ZKSCAN7: variants seen among roughly 807,000 people sequenced by gnomAD.
ZKSCAN7 encodes zinc finger protein with KRAB and SCAN domains 7.
Under a neutral mutation model 65.3 loss-of-function variants are expected in ZKSCAN7, and 38 were observed. The observed-to-expected ratio is 0.58, with a 90% CI of 0.45 to 0.76. ZKSCAN7 has a LOEUF of 0.76. Among genes scored for constraint, ZKSCAN7 ranks in the 30% least tolerant of loss-of-function variants. ZKSCAN7 has a pLI of 0.00. For synonymous variants in ZKSCAN7, 321 were observed against 321.0 expected, an observed-to-expected ratio of 1.00 and a Z score of 0.00; for missense variants, 815 against 913.3, an observed-to-expected ratio of 0.89 and a Z score of 1.39.
exon 6 of ZKSCAN7, chr3:44,583,072 G>A (rs552128851): frequency 6.1e-5 from 23 of 374,976 alleles, no homozygotes; most frequent in East Asian, 5.5e-4. Context: ...GATTACAGGC[G>A]CCTGCCACCA....
rs1210051764 is a variant in ZKSCAN7, at chr3:44,565,732, A to T, written c.592+77A>T. The T allele has an allele frequency of 5.1e-6, 7 of 1,371,964 alleles. No homozygotes were observed. In the African/African-American group the frequency reaches 1.0e-4, roughly 20 times the overall value. The allele number at this position is 1,371,964 out of a possible 1,614,324, so 85.0% of individuals were successfully genotyped here. ...GGAGTCTCCTTTCCTTTATCTGCCC[A>T]TCTCCTACTCCATGGAATCCCTCAT... is the stretch of plus-strand genomic sequence containing the variant. On this transcript the variant is annotated intron_variant, in intron 3 of 5. Transcript: ENST00000426540.
At chr3:44,560,264 G>A (rs755700830) in intron 2 of ZKSCAN7, among the ~76,000 whole-genome samples, 22 of 152,168 alleles carry the variant, frequency 1.4e-4, no homozygotes, top group Non-Finnish European at 1.0e-4. Context: ...ATCAGCAGGC[G>A]TTCAGAAAAT....
At chr3:44,579,818 TG>T in intron 5 of ZKSCAN7, 3 of 1,613,042 alleles carry the variant, frequency 1.9e-6, no homozygotes, top group Non-Finnish European at 2.5e-6. Context: ...GACAAACCAG[TG>T]TTTCTTCCAC....
In ZKSCAN7 at chr3:44,571,192, T is replaced by A; in HGVS notation, c.2082T>A (p.Asn694Lys). 6.2e-7 allele frequency: 1 copy of A among 1,614,198 alleles called. No homozygotes were observed. The highest frequency in any genetic ancestry group is 8.5e-7 in the Non-Finnish European group (1 of 1,180,042). The change falls in exon 6 of 6, where the codon AAT becomes AAA. Residue 694 changes from asparagine to lysine, a missense_variant. This residue lies in a region of ZKSCAN7 where 578 missense variants were observed against 629.5 expected (regional missense o/e 0.92). Transcript: ENST00000426540. ...CTGGGGAAAAACCCTATAAATGCAA[T>A]GATTGTGGGAAAGCTTTTAGTGACA... is the stretch of plus-strand genomic sequence containing the variant. Reference protein sequence around the residue: ...THTGEKPYKCNDCGKAFSDSS... With the variant: ...THTGEKPYKCKDCGKAFSDSS...
chr3:44,568,591 C>A, intron 5 of ZKSCAN7, 158 bp downstream of exon 5: 3 of 1,030,966 alleles, frequency 2.9e-6, no homozygotes, highest in Non-Finnish European at 4.1e-6. Flanking sequence ...CACTGAGATT[C>A]AACAGTGATC....
chr3:44,559,693 CT>C (rs1559422990), intron 2 of ZKSCAN7, among the ~76,000 whole-genome samples: 1 of 152,196 alleles, frequency 6.6e-6, no homozygotes, highest in African/African-American at 2.4e-5. Flanking sequence ...TCCCAAAGTG[CT>C]GGAATTACAG....
chr3:44,565,377 C>T (rs984989042), intron 2 of ZKSCAN7, 110 bp from the exon 3 acceptor site: 2 of 1,137,596 alleles, frequency 1.8e-6, no homozygotes, highest in African/African-American at 3.2e-5. Context: ...GAAGGACACC[C>T]TGGCTCTTCT....
chr3:44,560,933 T>C (rs1484148307), intron 2 of ZKSCAN7, among the ~76,000 whole-genome samples: 1 of 152,182 alleles, frequency 6.6e-6, no homozygotes, highest in African/African-American at 2.4e-5. Context: ...AAGATTTAGC[T>C]GAGGTGTGGT....
At chr3:44,556,110 C>A (rs1044889436) in intron 1 of ZKSCAN7, among the ~76,000 whole-genome samples, 1 of 152,156 alleles carries the variant, frequency 6.6e-6, no homozygotes, top group Admixed American at 6.5e-5. Context: ...CTAGCGTGAT[C>A]AGGAAGGCTT....
intron 5 of ZKSCAN7, 171 bp downstream of exon 5, chr3:44,568,604 C>A: frequency 1.1e-6 from 1 of 943,798 alleles, no homozygotes; most frequent in Non-Finnish European, 1.5e-6. Flanking sequence ...CAGTGATCAG[C>A]ATACTCTTCA....
intron 2 of ZKSCAN7, among the ~76,000 whole-genome samples, chr3:44,562,032 C>G (rs1323070358): frequency 1.3e-5 from 2 of 152,276 alleles, no homozygotes; most frequent in Non-Finnish European, 2.9e-5. Context: ...TCCAACCTTG[C>G]ATTTCCCCTT....
chr3:44,556,242 T>G (rs1699290438), intron 1 of ZKSCAN7, among the ~76,000 whole-genome samples: 1 of 152,148 alleles, frequency 6.6e-6, no homozygotes, highest in Non-Finnish European at 1.5e-5. Flanking sequence ...ATAAACCAGT[T>G]AAAGGGTTAT....
intron 5 of ZKSCAN7, among the ~76,000 whole-genome samples, chr3:44,578,802 G>A (rs959973413): frequency 6.6e-6 from 1 of 152,228 alleles, no homozygotes; most frequent in African/African-American, 2.4e-5. Flanking sequence ...CGCTGGTGCT[G>A]CCTCTGGAGA....
intron 2 of ZKSCAN7, among the ~76,000 whole-genome samples, chr3:44,557,910 C>G (rs1009833088): frequency 1.3e-5 from 2 of 152,128 alleles, no homozygotes; most frequent in East Asian, 1.9e-4. Flanking sequence ...ATTTTTGGGC[C>G]TTGTAATTAT....
At chr3:44,561,632 A>G (rs1458764607) in intron 2 of ZKSCAN7, among the ~76,000 whole-genome samples, 1 of 152,208 alleles carries the variant, frequency 6.6e-6, no homozygotes, top group African/African-American at 2.4e-5. Flanking sequence ...TCCAAGATAC[A>G]ATGGGGATAT....
chr3:44,556,917 C>G lies in ZKSCAN7; in HGVS notation c.-118-13C>G, dbSNP rs997322183. 8.2e-7 allele frequency: 1 copy of G among 1,219,030 alleles called. No individual in the cohort carries two copies. Among genetic ancestry groups the G allele is most frequent in the Admixed American group, 2.2e-5 (1 of 46,452 alleles). The allele number at this position is 1,219,030 out of a possible 1,614,324, so 75.5% of individuals were successfully genotyped here. ...ATACTCCAAGAACTCTGATTTCACTCTTGTTTCTGTAGGCCACACTACCAT... is the reference window on the plus strand; with the variant it reads ...ATACTCCAAGAACTCTGATTTCACTGTTGTTTCTGTAGGCCACACTACCAT... On this transcript the variant is annotated splice_polypyrimidine_tract_variant and intron_variant, in intron 1 of 5. Transcript: ENST00000426540.
At chr3:44,563,721 G>A (rs1364917369) in intron 2 of ZKSCAN7, among the ~76,000 whole-genome samples, 5 of 151,736 alleles carry the variant, frequency 3.3e-5, no homozygotes, top group South Asian at 2.1e-4. Flanking sequence ...AGATTTGGGC[G>A]GGGACAGAAA....
At chr3:44,562,071 G>A (rs1288678774) in intron 2 of ZKSCAN7, among the ~76,000 whole-genome samples, 1 of 152,250 alleles carries the variant, frequency 6.6e-6, no homozygotes, top group Non-Finnish European at 1.5e-5. Flanking sequence ...GTTTTTCCAT[G>A]ACAGTTTTGC....
chr3:44,572,742 C>T (rs71325025), downstream of ZKSCAN7, among the ~76,000 whole-genome samples: 5 of 147,936 alleles, frequency 3.4e-5, no homozygotes, highest in African/African-American at 7.5e-5. Flanking sequence ...CCCAGCTATT[C>T]GGGAGGCTGA....
Sources: allele counts gnomAD v4.1 joint callset (sites outside exome capture counted in the v4.1 genomes callset), GRCh38; gene constraint gnomAD v4.1.1; regional missense constraint gnomAD v4.1.1; transcripts MANE v1.5; gene names NCBI Gene and HGNC (gene_info 2026-07-23, HGNC 2026-07-21).